Variants in NEK11 observed in about 807,000 individuals in gnomAD.
NEK11 encodes the protein NIMA related kinase 11.
In NEK11, 72 loss-of-function variants were observed where a neutral mutation model predicts 80.7. That is an observed-to-expected ratio of 0.89 (90% CI 0.74 to 1.08). The LOEUF is 1.08. Ranked by LOEUF, NEK11 falls within the 50% of genes least tolerant of loss-of-function variation. The probability of loss-of-function intolerance (pLI) is 0.00; values close to 1 mark genes in which losing one functional copy is unlikely to be tolerated. For synonymous variants in NEK11, 251 were observed against 260.7 expected, an observed-to-expected ratio of 0.96 and a Z score of 0.36; for missense variants, 764 against 763.6, an observed-to-expected ratio of 1.00 and a Z score of -0.01.
At chr3:131,162,334 T>C (rs756646485) in intron 10 of NEK11, 74 bp from the exon 11 acceptor site, 5 of 1,557,730 alleles carry the variant, frequency 3.2e-6, no homozygotes, top group African/African-American at 1.4e-5. Context: ...AGTGATACTT[T>C]TATAAAATAT....
intron 17 of NEK11, among the ~76,000 whole-genome samples, chr3:131,295,437 T>C (rs576128554): frequency 2.2e-4 from 33 of 152,320 alleles, no homozygotes; most frequent in African/African-American, 7.2e-4. Flanking sequence ...TTTTAAATTT[T>C]GGATTTTTGG....
intron 14 of NEK11, among the ~76,000 whole-genome samples, chr3:131,191,248 C>T (rs538384752): frequency 6.6e-5 from 10 of 152,292 alleles, no homozygotes; most frequent in Non-Finnish European, 1.3e-4. Flanking sequence ...AATGGACTCT[C>T]TTACAGCTCT....
chr3:131,169,114 T>C (rs2092495615), intron 13 of NEK11, among the ~76,000 whole-genome samples, 177 bp downstream of exon 13: 1 of 152,010 alleles, frequency 6.6e-6, no homozygotes, highest in Admixed American at 6.5e-5. Flanking sequence ...GGAAAGAAAT[T>C]AGATTAATCA....
chr3:131,043,053 A>G (rs2066780770), intron 3 of NEK11, among the ~76,000 whole-genome samples: 1 of 152,224 alleles, frequency 6.6e-6, no homozygotes, highest in African/African-American at 2.4e-5. Flanking sequence ...AACAAACAGA[A>G]AGCAATAGCA....
intron 17 of NEK11, among the ~76,000 whole-genome samples, chr3:131,289,507 G>A (rs532796515): frequency 2.0e-5 from 3 of 152,324 alleles, no homozygotes; most frequent in East Asian, 1.9e-4. Context: ...TGTTTGGAAG[G>A]CACTTGCACA....
At chr3:131,075,160 G>A (rs375495778) in intron 3 of NEK11, among the ~76,000 whole-genome samples, 3 of 152,110 alleles carry the variant, frequency 2.0e-5, no homozygotes, top group East Asian at 3.8e-4. Context: ...ATCGGGGTAC[G>A]TAGAATGGAC....
chr3:131,208,997 C>G (rs2094527684), intron 14 of NEK11, among the ~76,000 whole-genome samples: 1 of 152,152 alleles, frequency 6.6e-6, no homozygotes, highest in Non-Finnish European at 1.5e-5. Flanking sequence ...ACTTCCAACA[C>G]TATGTTGAAT....
intron 16 of NEK11, among the ~76,000 whole-genome samples, chr3:131,249,690 T>G (rs1409890669): frequency 6.6e-6 from 1 of 152,154 alleles, no homozygotes; most frequent in African/African-American, 2.4e-5. Context: ...CAGAAAAGCA[T>G]GGACTCTTTA....
intron 14 of NEK11, among the ~76,000 whole-genome samples, chr3:131,208,793 G>T (rs2150487427): frequency 6.6e-6 from 1 of 152,292 alleles, no homozygotes; most frequent in South Asian, 2.1e-4. Flanking sequence ...AAGAATGCTT[G>T]TGATTTTTGC....
chr3:131,152,910 C>A (rs2089956635), intron 9 of NEK11, among the ~76,000 whole-genome samples: 1 of 151,984 alleles, frequency 6.6e-6, no homozygotes, highest in Non-Finnish European at 1.5e-5. Flanking sequence ...ATAGTGAAAC[C>A]CCGTCTCTAC....
At chr3:131,253,989 C>G (rs992250381) in intron 16 of NEK11, among the ~76,000 whole-genome samples, 2 of 152,082 alleles carry the variant, frequency 1.3e-5, no homozygotes, top group African/African-American at 4.8e-5. Flanking sequence ...TGCTACCTCC[C>G]CTTGCTACAC....
chr3:131,262,280 G>A (rs1403282517), intron 16 of NEK11, among the ~76,000 whole-genome samples: 1 of 152,130 alleles, frequency 6.6e-6, no homozygotes, highest in African/African-American at 2.4e-5. Context: ...CCAGCTATTG[G>A]GAGGCTGAGG....
rs761930068 is a variant in NEK11, at chr3:131,029,685, A to G, written c.-24A>G. 9 of 1,608,508 alleles carry G rather than the reference A, an allele frequency of 5.6e-6. No individual in the cohort carries two copies. The highest frequency in any genetic ancestry group is 7.7e-6 in the Non-Finnish European group (9 of 1,175,836). On this transcript the variant is annotated 5_prime_UTR_variant, in exon 3 of 18. Transcript: ENST00000383366. The stretch of plus-strand genomic sequence containing the variant: ...ATGTTAAGTTTCTATAAATGAATGA[A>G]CCAGTTCTCTCTTGTTTGGAGCAAT...
chr3:131,166,276 T>C (rs878882456), intron 12 of NEK11, among the ~76,000 whole-genome samples: 1 of 152,224 alleles, frequency 6.6e-6, no homozygotes, highest in Admixed American at 6.5e-5. Context: ...GATCCCTGCA[T>C]GTGAGAGATT....
chr3:131,214,428 G>T lies in NEK11; in HGVS notation c.1400-14100G>T, dbSNP rs1338888205. On this transcript the variant is annotated intron_variant, in intron 14 of 17. Coordinates refer to ENST00000383366, the MANE Select transcript of NEK11 (RefSeq NM_024800.5). ...GTACCAAATTTTTCAGAGTCTCTGT[G>T]AAGTCTTTCTACATTTCTCCTTGAC... Among the ~76,000 whole-genome samples, 4 of 152,268 alleles carry T rather than the reference G, an allele frequency of 2.6e-5. No individual in the cohort carries two copies. In the East Asian group the frequency reaches 7.7e-4, roughly 29 times the overall value.
At chr3:131,053,021 G>A (rs1385955778) in intron 3 of NEK11, among the ~76,000 whole-genome samples, 1 of 151,956 alleles carries the variant, frequency 6.6e-6, no homozygotes, top group Non-Finnish European at 1.5e-5. Flanking sequence ...CCCGCCCCCC[G>A]GGACACTCTT....
At chr3:131,116,283 T>C (rs1164854235) in intron 5 of NEK11, among the ~76,000 whole-genome samples, 2 of 152,094 alleles carry the variant, frequency 1.3e-5, no homozygotes, top group African/African-American at 4.8e-5. Context: ...GCTTCTTCCA[T>C]GTCCCTACAA....
chr3:131,336,273 T>C (rs1408406062), intron 17 of NEK11, among the ~76,000 whole-genome samples: 1 of 152,160 alleles, frequency 6.6e-6, no homozygotes, highest in Non-Finnish European at 1.5e-5. Context: ...AACAGAGATA[T>C]AGATCAATGG....
intron 3 of NEK11, among the ~76,000 whole-genome samples, chr3:131,064,582 AG>A (rs1244353291): frequency 6.6e-6 from 1 of 152,156 alleles, no homozygotes; most frequent in Non-Finnish European, 1.5e-5. Flanking sequence ...TATGAATTTT[AG>A]GGGGACACAA....
Sources: allele counts gnomAD v4.1 joint callset (sites outside exome capture counted in the v4.1 genomes callset), GRCh38; gene constraint gnomAD v4.1.1; transcripts MANE v1.5; gene names NCBI Gene and HGNC (gene_info 2026-07-23, HGNC 2026-07-21).